The following EIF2A variants were observed in gnomAD, a reference collection of about 807,000 sequenced individuals.
EIF2A encodes the protein eukaryotic translation initiation factor 2A.
EIF2A carries 62 observed loss-of-function variants against 75.2 expected under a neutral mutation model. The observed-to-expected ratio is 0.82, with a 90% CI of 0.67 to 1.02. The LOEUF (loss-of-function observed/expected upper bound fraction) is 1.02. Ranked by LOEUF, EIF2A falls within the 50% of genes least tolerant of loss-of-function variation. EIF2A has a pLI of 0.00. For synonymous variants in EIF2A, 207 were observed against 239.0 expected (o/e 0.87, Z 1.23); for missense variants, 611 against 677.7 (o/e 0.90, Z 1.09).
chr3:150,572,003 C>A lies in EIF2A; in HGVS notation c.857C>A (p.Thr286Asn), dbSNP rs944060589. ...IYDVVWNSSS[T>N]EFCAVYGFMP... ...GATGTAGTTTGGAATTCTAGTTCTA[C>A]TGAGTTTTGTGCTGTATATGGTTTT... Residue 286 changes from threonine (T) to asparagine (N), a missense_variant, in exon 10 of 14, where the codon ACT becomes AAT. By Grantham distance (65) the Thr-to-Asn change is moderately conservative. Transcript: ENST00000460851. 3.7e-6 allele frequency: 6 copies of A among 1,613,424 alleles called. No homozygotes were observed. Among genetic ancestry groups the A allele is most frequent in the Non-Finnish European group, 4.2e-6 (5 of 1,179,722 alleles).
At chr3:150,547,799 GTCTT>G (rs1376447937) in intron 1 of EIF2A, among the ~76,000 whole-genome samples, 1 of 152,088 alleles carries the variant, frequency 6.6e-6, no homozygotes, top group African/African-American at 2.4e-5. Flanking sequence ...TGCTCAGTCT[GTCTT>G]CTGCAGTTTA....
chr3:150,575,337 T>C (rs898953360), intron 10 of EIF2A, among the ~76,000 whole-genome samples: 1 of 152,160 alleles, frequency 6.6e-6, no homozygotes, highest in African/African-American at 2.4e-5. Context: ...GAAGAAGCTG[T>C]TGTTGGTATC....
At chr3:150,565,231 G>A (rs1179769022) in intron 6 of EIF2A, 1 of 456,634 alleles carries the variant, frequency 2.2e-6, no homozygotes. Context: ...TTTTAGGTGA[G>A]TAAGGGTAAG....
At chr3:150,576,588 ACAT>A (rs752244918) in intron 11 of EIF2A, among the ~76,000 whole-genome samples, 16 of 152,318 alleles carry the variant, frequency 1.1e-4, no homozygotes, top group African/African-American at 3.1e-4. Context: ...ACTGGACTTG[ACAT>A]CATAACCTGA....
At chr3:150,583,806 A>C in intron 13 of EIF2A, 40 bp from the exon 14 acceptor site, 1 of 1,578,936 alleles carries the variant, frequency 6.3e-7, no homozygotes, top group African/African-American at 1.3e-5. Flanking sequence ...CATATCCAGT[A>C]ATTATTTCAT....
intron 12 of EIF2A, 121 bp from the exon 13 acceptor site, chr3:150,583,079 C>T: frequency 6.3e-6 from 5 of 796,712 alleles, no homozygotes; most frequent in South Asian, 2.0e-5. Context: ...TTTAACAGAC[C>T]ATTGTTGATA....
rs190006615 is a variant in EIF2A, at chr3:150,579,106, T to C, written c.1498-2512T>C. On this transcript the variant is annotated intron_variant, in intron 11 of 13. Coordinates refer to ENST00000460851, the MANE Select transcript of EIF2A (RefSeq NM_032025.5). ...TTTAATGGTTTTTCACATGATAAGA[T>C]TAACCTTTCTTCCTAGAGAGCTATA... Among the ~76,000 whole-genome samples, 209 of 152,306 alleles carry C rather than the reference T, an allele frequency of 1.4e-3. 1 individual carries two copies. The highest frequency in any genetic ancestry group is 2.6e-3 in the Admixed American group (40 of 15,310).
intron 5 of EIF2A, 97 bp from the exon 6 acceptor site, chr3:150,564,202 A>C: frequency 1.1e-6 from 1 of 913,560 alleles, no homozygotes; most frequent in Non-Finnish European, 1.6e-6. Flanking sequence ...TTTTTCCTTA[A>C]ATGGTAACCA....
At chr3:150,564,068 C>A (rs1457499938) in intron 5 of EIF2A, among the ~76,000 whole-genome samples, 1 of 152,180 alleles carries the variant, frequency 6.6e-6, no homozygotes, top group African/African-American at 2.4e-5. Flanking sequence ...ATCCACCTGC[C>A]TTGGCCTCCC....
At chr3:150,549,788 G>A (rs1723228688) in intron 1 of EIF2A, among the ~76,000 whole-genome samples, 1 of 152,120 alleles carries the variant, frequency 6.6e-6, no homozygotes, top group African/African-American at 2.4e-5. Context: ...AGAGGAGCTG[G>A]TTGCTAGGCA....
intron 2 of EIF2A, among the ~76,000 whole-genome samples, chr3:150,556,082 T>C (rs1429984007): frequency 2.0e-5 from 3 of 152,182 alleles, no homozygotes; most frequent in East Asian, 1.9e-4. Context: ...GTGGAAGCCA[T>C]GTGGAAGTAT....
chr3:150,578,366 A>G (rs1724989748), intron 11 of EIF2A, among the ~76,000 whole-genome samples: 1 of 148,840 alleles, frequency 6.7e-6, no homozygotes, highest in South Asian at 2.1e-4. Flanking sequence ...AAATTCTATT[A>G]GTTTATACAT....
At chr3:150,567,818 A>G (rs1454931528) in intron 7 of EIF2A, 52 bp downstream of exon 7, 2 of 1,568,808 alleles carry the variant, frequency 1.3e-6, no homozygotes, top group Non-Finnish European at 1.7e-6. Flanking sequence ...ACCTTTTCCT[A>G]GTTTTTTGTG....
intron 10 of EIF2A, among the ~76,000 whole-genome samples, chr3:150,574,335 C>G (rs1724736940): frequency 6.6e-6 from 1 of 152,114 alleles, no homozygotes; most frequent in Admixed American, 6.6e-5. Context: ...GTGAAAGGCT[C>G]TCAGTGGCTA....
At chr3:150,549,508 A>G (rs1300808314) in intron 1 of EIF2A, among the ~76,000 whole-genome samples, 1 of 152,154 alleles carries the variant, frequency 6.6e-6, no homozygotes, top group Non-Finnish European at 1.5e-5. Context: ...GTGAGCCACC[A>G]TGCCTGGCCA....
chr3:150,568,267 T>C lies in EIF2A; in HGVS notation c.786T>C (p.Asn262=). ...AAACTCTACACTACATTGCAACAAA[T>C]GGAGAAAGTGCTGTAGTGCAATTAC... is the stretch of plus-strand genomic sequence containing the variant. ...GEQTLHYIAT[N]GESAVVQLPK... The change falls in exon 9 of 14, where the codon AAT becomes AAC. Residue 262 remains asparagine (N), a synonymous_variant. Coordinates refer to ENST00000460851, the MANE Select transcript of EIF2A (RefSeq NM_032025.5). 6.2e-7 allele frequency: 1 copy of C among 1,613,072 alleles called. No individual in the cohort carries two copies. The highest frequency in any genetic ancestry group is 8.5e-7 in the Non-Finnish European group (1 of 1,179,562).
rs1724570585 is a variant in EIF2A, at chr3:150,572,231, A to G, written c.1085A>G (p.Tyr362Cys). ...ISKPVASDST[Y>C]FAWCPDGEHI... ...AAACCGGTGGCTTCTGATTCTACAT[A>G]TTTTGCTTGGTGCCCGGATGGTGAG... is the stretch of plus-strand genomic sequence containing the variant. The change falls in exon 10 of 14, where the codon TAT becomes TGT. Residue 362 changes from tyrosine to cysteine, a missense_variant. Tyr to Cys is a radical substitution (Grantham distance 194). Coordinates refer to ENST00000460851, the MANE Select transcript of EIF2A (RefSeq NM_032025.5). 2 of 1,613,886 alleles carry G rather than the reference A, an allele frequency of 1.2e-6. No individual in the cohort carries two copies. Among genetic ancestry groups the G allele is most frequent in the Non-Finnish European group, 1.7e-6 (2 of 1,179,852 alleles).
At position 150,562,630 on chromosome 3, in the gene EIF2A, A is replaced by G; in HGVS notation, c.262A>G (p.Thr88Ala). The G allele has an allele frequency of 1.2e-6, 2 of 1,613,382 alleles. No homozygotes were observed. The highest frequency in any genetic ancestry group is 1.7e-6 in the Non-Finnish European group (2 of 1,179,576). The change falls in exon 4 of 14, where the codon ACT becomes GCT. Residue 88 changes from threonine (T) to alanine (A), a missense_variant. Physicochemically the swap from Thr to Ala is moderately conservative, Grantham distance 58 (BLOSUM62 0). Coordinates refer to ENST00000460851, the MANE Select transcript of EIF2A (RefSeq NM_032025.5). ...AVCLEFSPKN[T>A]VLATWQPYTT... ...TTGCCTTGAATTCTCACCCAAAAAT[A>G]CTGTCCTGGCAACGTGGCAGCCTTA...
chr3:150,567,517 A>G, intron 6 of EIF2A, 176 bp from the exon 7 acceptor site: 2 of 524,338 alleles, frequency 3.8e-6, no homozygotes, highest in Non-Finnish European at 6.8e-6. Context: ...TGAAGCCTAC[A>G]TTTGTCTTGC....
Sources: allele counts gnomAD v4.1 joint callset (sites outside exome capture counted in the v4.1 genomes callset), GRCh38; gene constraint gnomAD v4.1.1; transcripts MANE v1.5; gene names NCBI Gene and HGNC (gene_info 2026-07-23, HGNC 2026-07-21).